Variants in STK33 observed in about 807,000 individuals in gnomAD.
STK33 encodes serine/threonine-protein kinase 33.
A neutral mutation model predicts 58.0 loss-of-function variants in STK33; 52 were observed. That is an observed-to-expected ratio of 0.90 (90% CI 0.72 to 1.13). The LOEUF (loss-of-function observed/expected upper bound fraction) is 1.13. Among genes scored for constraint, STK33 ranks in the 50% most tolerant of loss-of-function variants. STK33 has a pLI of 0.00. For synonymous variants in STK33, 215 were observed against 200.1 expected, an observed-to-expected ratio of 1.07 and a Z score of -0.63; for missense variants, 630 against 604.2, an observed-to-expected ratio of 1.04 and a Z score of -0.45.
chr11:8,357,080 C>T, the STK33 span, among the ~76,000 whole-genome samples: 1 of 152,358 alleles, frequency 6.6e-6, no homozygotes, highest in East Asian at 1.9e-4. Flanking sequence ...CCCGGCCTGC[C>T]CTCTTCCCTC....
intron 1 of STK33, among the ~76,000 whole-genome samples, chr11:8,526,848 A>T (rs1486851550): frequency 6.6e-6 from 1 of 151,060 alleles, no homozygotes; most frequent in African/African-American, 2.4e-5. Flanking sequence ...AAACCCAGAC[A>T]AAAATATAGA....
intron 1 of STK33, among the ~76,000 whole-genome samples, chr11:8,560,386 A>G (rs188900225): frequency 9.3e-4 from 142 of 152,176 alleles, no homozygotes; most frequent in African/African-American, 3.3e-3. Context: ...TTTCTGTAAA[A>G]TATCTGTTCA....
chr11:8,447,688 T>G (rs1338388183), intron 11 of STK33, among the ~76,000 whole-genome samples: 1 of 152,218 alleles, frequency 6.6e-6, no homozygotes, highest in Non-Finnish European at 1.5e-5. Context: ...TCATACTTAA[T>G]GGGCAAAAAC....
At chr11:8,379,177 GA>G in the STK33 span, among the ~76,000 whole-genome samples, 1 of 152,128 alleles carries the variant, frequency 6.6e-6, no homozygotes, top group African/African-American at 2.4e-5. Context: ...TCTAAGACCT[GA>G]AACCATAAAA....
chr11:8,512,094 G>A (rs1353344449), intron 1 of STK33, among the ~76,000 whole-genome samples: 3 of 151,336 alleles, frequency 2.0e-5, no homozygotes, highest in Non-Finnish European at 4.4e-5. Context: ...AGTAGATTAT[G>A]CTCATAGATA....
At chr11:8,447,706 A>G (rs1945689521) in intron 11 of STK33, among the ~76,000 whole-genome samples, 1 of 152,230 alleles carries the variant, frequency 6.6e-6, no homozygotes, top group Admixed American at 6.5e-5. Context: ...AACTGGAAGC[A>G]TTCCCTTTGA....
At chr11:8,443,190 AG>A (rs1194269896) in intron 11 of STK33, among the ~76,000 whole-genome samples, 1 of 152,244 alleles carries the variant, frequency 6.6e-6, no homozygotes, top group Non-Finnish European at 1.5e-5. Context: ...AGAGATCAAC[AG>A]AAGTGGCAAG....
At chr11:8,557,089 A>G (rs1438155219) in intron 1 of STK33, among the ~76,000 whole-genome samples, 1 of 151,284 alleles carries the variant, frequency 6.6e-6, no homozygotes, top group Middle Eastern at 3.2e-3. Context: ...CATCTCTATA[A>G]AAAATAAACA....
chr11:8,535,721 T>C (rs1355499299), intron 1 of STK33, among the ~76,000 whole-genome samples: 2 of 152,124 alleles, frequency 1.3e-5, no homozygotes, highest in African/African-American at 4.8e-5. Flanking sequence ...ATCAATGCAG[T>C]AATCCCACGA....
At chr11:8,482,879 A>G (rs1038161803) in intron 1 of STK33, among the ~76,000 whole-genome samples, 1 of 151,638 alleles carries the variant, frequency 6.6e-6, no homozygotes, top group Non-Finnish European at 1.5e-5. Flanking sequence ...ACAGGCGCCC[A>G]CCACCACGCC....
At chr11:8,491,001 A>G (rs1950568488) in intron 1 of STK33, among the ~76,000 whole-genome samples, 1 of 152,186 alleles carries the variant, frequency 6.6e-6, no homozygotes, top group Admixed American at 6.5e-5. Flanking sequence ...AGAATAGAAA[A>G]GCTGAAAATT....
chr11:8,386,625 C>T, the STK33 span, among the ~76,000 whole-genome samples: 1 of 152,330 alleles, frequency 6.6e-6, no homozygotes, highest in Non-Finnish European at 1.5e-5. Context: ...GCAGACGTCT[C>T]CCGTCCTGCA....
rs900823563 is a variant in STK33 at position 8,457,492 on chromosome 11, A to G, written c.559-13T>C. On this transcript the variant is annotated splice_polypyrimidine_tract_variant and intron_variant, in intron 8 of 15. Coordinates refer to ENST00000687296, the MANE Select transcript of STK33 (RefSeq NM_001352389.2). ...CAAGGTACATTTTCTGACATTATAT[A>G]TATAAAAGAGAGAGAGAGCAAATTA... is the stretch of plus-strand genomic sequence containing the variant. 11 of 1,570,760 alleles carry G rather than the reference A, an allele frequency of 7.0e-6. No individual in the cohort carries two copies. The South Asian group carries it at 1.2e-4, about 17-fold the overall frequency.
chr11:8,588,460 C>A (rs1402265847), intron 1 of STK33, among the ~76,000 whole-genome samples: 1 of 152,146 alleles, frequency 6.6e-6, no homozygotes, highest in East Asian at 1.9e-4. Flanking sequence ...ACAGTCAGGA[C>A]AACTGAATAG....
chr11:8,340,110 C>T, the STK33 span, among the ~76,000 whole-genome samples: 1 of 152,256 alleles, frequency 6.6e-6, no homozygotes, highest in Non-Finnish European at 1.5e-5. Context: ...TGAGTACCTC[C>T]AACAGCCTGG....
chr11:8,492,860 C>A (rs553508493), intron 1 of STK33, among the ~76,000 whole-genome samples: 1 of 152,042 alleles, frequency 6.6e-6, no homozygotes, highest in Non-Finnish European at 1.5e-5. Flanking sequence ...GGGTAAATAA[C>A]GAAATGAAGG....
At chr11:8,449,922 T>C (rs1401738118) in intron 11 of STK33, among the ~76,000 whole-genome samples, 4 of 152,122 alleles carry the variant, frequency 2.6e-5, no homozygotes, top group African/African-American at 2.4e-5. Flanking sequence ...GGAGAGGATG[T>C]GGAGAAATAG....
chr11:8,587,049 G>A (rs895995567), intron 1 of STK33, among the ~76,000 whole-genome samples: 1 of 152,098 alleles, frequency 6.6e-6, no homozygotes, highest in Non-Finnish European at 1.5e-5. Context: ...CTCTCCCTCA[G>A]TGATTTGTGA....
intron 1 of STK33, among the ~76,000 whole-genome samples, chr11:8,483,831 C>T (rs2138330361): frequency 6.6e-6 from 1 of 152,190 alleles, no homozygotes; most frequent in African/African-American, 2.4e-5. Flanking sequence ...ACAAAAAATA[C>T]CAAAGGATGC....
Sources: allele counts gnomAD v4.1 joint callset (sites outside exome capture counted in the v4.1 genomes callset), GRCh38; gene constraint gnomAD v4.1.1; transcripts MANE v1.5; gene names NCBI Gene and HGNC (gene_info 2026-07-23, HGNC 2026-07-21).